Variants in ZNF407 observed in about 807,000 individuals in gnomAD.
The protein encoded by ZNF407 is zinc finger protein 407.
ZNF407 carries 17 observed loss-of-function variants against 131.2 expected under a neutral mutation model. That is an observed-to-expected ratio of 0.13 (90% CI 0.09 to 0.19). The LOEUF (loss-of-function observed/expected upper bound fraction) is 0.19. Ranked by LOEUF, ZNF407 falls within the 10% of genes least tolerant of loss-of-function variation. ZNF407 has a pLI of 1.00. For synonymous variants in ZNF407, 1,156 were observed against 1,062.0 expected (o/e 1.09, Z -1.72); for missense variants, 2,681 against 2,830.6 (o/e 0.95, Z 1.20).
rs761963587 is a variant in ZNF407 at position 74,634,039 on chromosome 18, C to A, written c.3020C>A (p.Ser1007Tyr). The A allele has an allele frequency of 1.2e-6, 2 of 1,613,910 alleles. No homozygotes were observed. The highest frequency in any genetic ancestry group is 1.7e-6 in the Non-Finnish European group (2 of 1,179,912). ...EDFAQPGDVY[S>Y]QRDVTGTGEN... is the part of the protein sequence containing the mutation. ...TTCGCCCAGCCGGGGGATGTGTACT[C>A]CCAGAGAGATGTTACAGGCACAGGT... Residue 1007 changes from serine to tyrosine, a missense_variant, in exon 2 of 9, where the codon TCC becomes TAC. Physicochemically the swap from Ser to Tyr is moderately radical, Grantham distance 144. This residue lies in a region of ZNF407 where 1,789 missense variants were observed against 1,748.7 expected (regional missense o/e 1.02). Transcript: ENST00000299687.
At chr18:74,874,618 A>G (rs1971131269) in intron 4 of ZNF407, among the ~76,000 whole-genome samples, 1 of 152,228 alleles carries the variant, frequency 6.6e-6, no homozygotes, top group South Asian at 2.1e-4. Context: ...CCTCCCAGCT[A>G]GCTCTGCATT....
intron 4 of ZNF407, among the ~76,000 whole-genome samples, chr18:74,790,417 T>C (rs1969804029): frequency 6.6e-6 from 1 of 152,232 alleles, no homozygotes; most frequent in African/African-American, 2.4e-5. Context: ...TAAAGGATTT[T>C]CCTTTTCTAC....
rs546240466 is a variant in ZNF407, at chr18:74,768,675, C to T, written c.4803-12753C>T. Among the ~76,000 whole-genome samples, 5 of 152,250 alleles carry T rather than the reference C, an allele frequency of 3.3e-5. No homozygotes were observed. In the South Asian group the frequency reaches 8.3e-4, roughly 25 times the overall value. ...TATATAGATAGATAGATTTTTCTTA[C>T]ACCGTTGTTATATTCCAGTAGGCCT... On this transcript the variant is annotated intron_variant, in intron 3 of 8. Coordinates refer to ENST00000299687, the MANE Select transcript of ZNF407 (RefSeq NM_017757.3).
At chr18:74,750,680 C>T (rs955938257) in intron 3 of ZNF407, among the ~76,000 whole-genome samples, 1 of 152,160 alleles carries the variant, frequency 6.6e-6, no homozygotes, top group African/African-American at 2.4e-5. Flanking sequence ...GTGAACGTTT[C>T]TGCACAGATT....
intron 3 of ZNF407, among the ~76,000 whole-genome samples, chr18:74,708,812 T>C (rs1967689226): frequency 1.3e-5 from 2 of 152,232 alleles, no homozygotes; most frequent in Non-Finnish European, 2.9e-5. Flanking sequence ...GTGGAATAAA[T>C]GATTGGCTGT....
At chr18:74,987,339 A>C (rs1292444884) in intron 8 of ZNF407, among the ~76,000 whole-genome samples, 1 of 152,206 alleles carries the variant, frequency 6.6e-6, no homozygotes, top group Non-Finnish European at 1.5e-5. Context: ...TTATTACAGC[A>C]ATATGTAGAG....
intron 4 of ZNF407, among the ~76,000 whole-genome samples, chr18:74,862,298 G>C (rs1970948520): frequency 6.6e-6 from 1 of 152,216 alleles, no homozygotes; most frequent in African/African-American, 2.4e-5. Flanking sequence ...AGGAAAGCTG[G>C]CTGCACGTTG....
chr18:74,958,976 C>A (rs1017711184), intron 8 of ZNF407, among the ~76,000 whole-genome samples: 1 of 152,092 alleles, frequency 6.6e-6, no homozygotes, highest in African/African-American at 2.4e-5. Context: ...TTGGATGATG[C>A]CTTTAATAAC....
chr18:74,770,492 A>G (rs1969338185), intron 3 of ZNF407, among the ~76,000 whole-genome samples: 1 of 151,908 alleles, frequency 6.6e-6, no homozygotes, highest in Admixed American at 6.6e-5. Context: ...TTTTCCAACG[A>G]AAAAAAACAA....
At chr18:74,781,723 G>C (rs1162686649) in intron 4 of ZNF407, among the ~76,000 whole-genome samples, 1 of 151,970 alleles carries the variant, frequency 6.6e-6, no homozygotes, top group African/African-American at 2.4e-5. Flanking sequence ...GCATTTGGAG[G>C]ACTTTGAATT....
chr18:74,661,380 T>TTA (rs141086882), intron 3 of ZNF407, among the ~76,000 whole-genome samples: 4,391 of 147,026 alleles, frequency 0.03, 133 homozygotes, highest in African/African-American at 0.076. Context: ...AATAAAATAA[T>TTA]TATATATATA....
At chr18:74,808,031 G>C (rs1295450810) in intron 4 of ZNF407, among the ~76,000 whole-genome samples, 1 of 147,126 alleles carries the variant, frequency 6.8e-6, no homozygotes, top group East Asian at 2.0e-4. Context: ...TTTTTTTTTT[G>C]AGACAGAGTT....
rs1337472927 is a variant in ZNF407, at chr18:74,631,389, G to A, written c.370G>A (p.Gly124Ser). Residue 124 changes from glycine to serine, a missense_variant, in exon 2 of 9, where the codon GGC becomes AGC. This residue lies in a region of ZNF407 where 1,789 missense variants were observed against 1,748.7 expected (regional missense o/e 1.02). Coordinates refer to ENST00000299687, the MANE Select transcript of ZNF407 (RefSeq NM_017757.3). ...CTTTCTGAGTGACTGCACAGTTGGA[G>A]GCACATGTCTCCCAAATGCCCTCTC... ...ETFLSDCTVG[G>S]TCLPNALSPS... The A allele has an allele frequency of 6.2e-7, 1 of 1,613,864 alleles. No homozygotes were observed. Among genetic ancestry groups the A allele is most frequent in the Non-Finnish European group, 8.5e-7 (1 of 1,179,900 alleles).
rs1234572140 is a variant in ZNF407 at position 74,631,424 on chromosome 18, C to T, written c.405C>T (p.Cys135=). ...TCLPNALSPS[C]NFSTIDVVSL... The stretch of plus-strand genomic sequence containing the variant: ...TCCCAAATGCCCTCTCCCCTTCTTG[C>T]AATTTTAGCACTATTGATGTTGTTT... Residue 135 remains cysteine, a synonymous_variant, in exon 2 of 9, where the codon TGC becomes TGT. Coordinates refer to ENST00000299687, the MANE Select transcript of ZNF407 (RefSeq NM_017757.3). 3 of 1,613,822 alleles carry T rather than the reference C, an allele frequency of 1.9e-6. No homozygotes were observed. The African/African-American group carries it at 4.0e-5, about 22-fold the overall frequency.
intron 3 of ZNF407, among the ~76,000 whole-genome samples, chr18:74,664,846 G>T (rs1182914367): frequency 6.6e-6 from 1 of 152,152 alleles, no homozygotes; most frequent in Non-Finnish European, 1.5e-5. Context: ...GAATAGACAA[G>T]ATCATGCCCT....
intron 3 of ZNF407, among the ~76,000 whole-genome samples, chr18:74,719,605 G>A (rs569772885): frequency 5.9e-5 from 9 of 152,132 alleles, no homozygotes; most frequent in East Asian, 3.9e-4. Context: ...GGGTTTCACC[G>A]TGTTAGCCAG....
chr18:74,967,775 A>G (rs1433520175), intron 8 of ZNF407, among the ~76,000 whole-genome samples: 1 of 152,222 alleles, frequency 6.6e-6, no homozygotes, highest in Admixed American at 6.5e-5. Context: ...ATAAGACACA[A>G]GTTATGAAGT....
At chr18:75,040,460 A>G (rs1366362334) in intron 8 of ZNF407, among the ~76,000 whole-genome samples, 3 of 152,214 alleles carry the variant, frequency 2.0e-5, no homozygotes, top group African/African-American at 7.2e-5. Flanking sequence ...TCTAAATTTT[A>G]TCAAGTGGAA....
At chr18:75,029,737 G>T (rs1973217543) in intron 8 of ZNF407, among the ~76,000 whole-genome samples, 1 of 152,224 alleles carries the variant, frequency 6.6e-6, no homozygotes, top group Non-Finnish European at 1.5e-5. Context: ...ACTGGTTTCT[G>T]TGGTTTGCTG....
Sources: allele counts gnomAD v4.1 joint callset (sites outside exome capture counted in the v4.1 genomes callset), GRCh38; gene constraint gnomAD v4.1.1; regional missense constraint gnomAD v4.1.1; transcripts MANE v1.5; gene names NCBI Gene and HGNC (gene_info 2026-07-23, HGNC 2026-07-21).